Variants in BMP6 observed in about 807,000 individuals in gnomAD.
BMP6 encodes the protein bone morphogenetic protein 6, also known as VG-1-R.
A neutral mutation model predicts 54.1 loss-of-function variants in BMP6; 17 were observed. The ratio of observed to expected loss-of-function variants is 0.31; its 90% CI spans 0.22 to 0.47. BMP6 has a LOEUF of 0.47. BMP6 is among the 20% of genes least tolerant of loss of function. The pLI is 1.00. For synonymous variants in BMP6, 328 were observed against 291.2 expected (o/e 1.13, Z -1.28); for missense variants, 720 against 690.4 (o/e 1.04, Z -0.48).
chr6:7,748,004 A>G (rs542959941), intron 1 of BMP6, among the ~76,000 whole-genome samples: 1 of 152,304 alleles, frequency 6.6e-6, no homozygotes, highest in South Asian at 2.1e-4. Flanking sequence ...TGAGCTGCTC[A>G]GTTTCTGAAG....
intron 2 of BMP6, among the ~76,000 whole-genome samples, chr6:7,855,742 T>TG (rs1204405462): frequency 6.6e-6 from 1 of 151,732 alleles, no homozygotes; most frequent in East Asian, 1.9e-4. Context: ...TTGCCCAGTC[T>TG]GGTCTCGAAC....
At chr6:7,764,220 G>C (rs2113145718) in intron 1 of BMP6, among the ~76,000 whole-genome samples, 1 of 152,300 alleles carries the variant, frequency 6.6e-6, no homozygotes, top group African/African-American at 2.4e-5. Flanking sequence ...TGGGAGGGAA[G>C]AGGATTCTGA....
chr6:7,794,658 T>C (rs369999262), intron 1 of BMP6, among the ~76,000 whole-genome samples: 1 of 150,784 alleles, frequency 6.6e-6, no homozygotes, highest in Admixed American at 6.6e-5. Context: ...GAAAGTAATA[T>C]GTTAGTTGAT....
At chr6:7,749,171 C>T (rs1384244980) in intron 1 of BMP6, among the ~76,000 whole-genome samples, 6 of 152,220 alleles carry the variant, frequency 3.9e-5, no homozygotes, top group African/African-American at 1.2e-4. Flanking sequence ...CAGGATTCCA[C>T]GTCACCAATA....
At chr6:7,811,097 C>T (rs935466165) in intron 1 of BMP6, among the ~76,000 whole-genome samples, 2 of 152,230 alleles carry the variant, frequency 1.3e-5, no homozygotes, top group African/African-American at 4.8e-5. Flanking sequence ...TGGGACGAAT[C>T]AGTCCCACTT....
chr6:7,851,917 A>G (rs774237050), intron 2 of BMP6, among the ~76,000 whole-genome samples: 1 of 152,172 alleles, frequency 6.6e-6, no homozygotes, highest in Non-Finnish European at 1.5e-5. Flanking sequence ...AACAAGTTCA[A>G]CTTGTGCTTT....
Position 7,862,865 on chromosome 6 carries a change from C to T in BMP6, c.1204+367C>T, listed in dbSNP as rs140069568. ...ATGCTGGGGGGTTATGATGTGCAAG[C>T]GAACTTGGTACAGTTGTGTAATATG... On this transcript the variant is annotated intron_variant, in intron 4 of 6. Coordinates refer to ENST00000283147, the MANE Select transcript of BMP6 (RefSeq NM_001718.6). Among the ~76,000 whole-genome samples, 1,366 of 152,256 alleles carry T rather than the reference C, an allele frequency of 9.0e-3. 5 individuals are homozygous for T. The highest frequency in any genetic ancestry group is 0.013 in the Non-Finnish European group (866 of 68,010).
intron 1 of BMP6, among the ~76,000 whole-genome samples, chr6:7,763,320 A>G (rs74964474): frequency 0.012 from 1,822 of 152,308 alleles, 29 homozygotes; most frequent in African/African-American, 0.028. Flanking sequence ...GTAAAAAGTC[A>G]TGGTAAAATT....
intron 1 of BMP6, among the ~76,000 whole-genome samples, chr6:7,752,589 G>A (rs998107887): frequency 7.3e-6 from 1 of 136,616 alleles, no homozygotes; most frequent in Non-Finnish European, 1.6e-5. Context: ...CTTTTTAGAA[G>A]GAGGTCATTT....
chr6:7,829,959 A>G (rs1005779324), intron 1 of BMP6, among the ~76,000 whole-genome samples: 38 of 152,342 alleles, frequency 2.5e-4, no homozygotes, highest in African/African-American at 8.4e-4. Flanking sequence ...AGAAGCTTCA[A>G]GGGACTGAAA....
At chr6:7,827,194 G>A (rs552281666) in intron 1 of BMP6, among the ~76,000 whole-genome samples, 205 of 152,348 alleles carry the variant, frequency 1.3e-3, no homozygotes, top group Middle Eastern at 0.01. Flanking sequence ...CACCCGCCAT[G>A]TAGCCCCACC....
intron 1 of BMP6, among the ~76,000 whole-genome samples, chr6:7,783,454 G>A (rs1270414617): frequency 6.6e-6 from 1 of 152,022 alleles, no homozygotes; most frequent in Non-Finnish European, 1.5e-5. Context: ...ATTCCTCTTT[G>A]CCACTTATTT....
At chr6:7,845,372 CCT>C (rs1759046044) in intron 2 of BMP6, 40 bp downstream of exon 2, 2 of 1,556,834 alleles carry the variant, frequency 1.3e-6, no homozygotes, top group Non-Finnish European at 1.7e-6. Context: ...GGGGCTGGCC[CCT>C]GTTTCCCACC....
intron 1 of BMP6, among the ~76,000 whole-genome samples, 162 bp from the exon 2 acceptor site, chr6:7,844,978 C>G (rs1001490136): frequency 1.3e-5 from 2 of 152,156 alleles, no homozygotes; most frequent in Non-Finnish European, 2.9e-5. Flanking sequence ...TTCATCTCCT[C>G]CTCATGGGCC....
intron 1 of BMP6, among the ~76,000 whole-genome samples, chr6:7,752,893 C>T (rs1757448228): frequency 1.3e-5 from 2 of 152,106 alleles, no homozygotes; most frequent in Admixed American, 6.5e-5. Context: ...GTGGTAGTGC[C>T]AGCTTATTAT....
chr6:7,870,642 C>CAA (rs964475583), intron 4 of BMP6, among the ~76,000 whole-genome samples: 5 of 150,320 alleles, frequency 3.3e-5, no homozygotes, highest in African/African-American at 9.8e-5. Context: ...ACAACAACAA[C>CAA]AAAAAAAAAC....
chr6:7,815,490 A>T (rs753016025), intron 1 of BMP6, among the ~76,000 whole-genome samples: 1 of 152,252 alleles, frequency 6.6e-6, no homozygotes, highest in Non-Finnish European at 1.5e-5. Context: ...TGCTTGGCAC[A>T]TAATAAATGT....
In BMP6 at chr6:7,760,384, C is replaced by T. The variant is rs77372445; in HGVS notation, c.664+32765C>T. 8.1e-3 allele frequency among the ~76,000 whole-genome samples: 1,229 copies of T among 152,182 alleles called. 17 individuals carry two copies. The highest frequency in any genetic ancestry group is 0.028 in the African/African-American group (1,168 of 41,514). On this transcript the variant is annotated intron_variant, in intron 1 of 6. Transcript: ENST00000283147. ...TATATCAGAGTAGAGCAAGGAACAC[C>T]GTCTTTCCACCTTGACTTTGCTGCT...
intron 1 of BMP6, among the ~76,000 whole-genome samples, chr6:7,760,105 C>T (rs576241913): frequency 1.5e-4 from 22 of 143,860 alleles, no homozygotes; most frequent in South Asian, 8.9e-4. Flanking sequence ...CTCGCTCTGT[C>T]ACCCAGGCTG....
Sources: gnomAD v4.1 joint callset for allele counts (sites outside exome capture counted in the v4.1 genomes callset) on GRCh38, gnomAD v4.1.1 for gene constraint, MANE v1.5 for transcripts, NCBI Gene and HGNC (gene_info 2026-07-23, HGNC 2026-07-21) for gene names.